Variants in PTH observed in about 807,000 individuals in gnomAD.
PTH encodes parathormone.
In PTH, 7 loss-of-function variants were observed where a neutral mutation model predicts 7.4. That is an observed-to-expected ratio of 0.94 (90% confidence interval 0.53 to 1.77). The LOEUF (loss-of-function observed/expected upper bound fraction) is 1.77, where lower values mean the gene tolerates loss of function less well. Among genes scored for constraint, PTH ranks in the 40% most tolerant of loss-of-function variants. The pLI is 0.00. For missense variants in PTH, 128 were observed against 137.1 expected (o/e 0.93, Z 0.33); for synonymous variants, 51 against 46.6 (o/e 1.09, Z -0.39).
At chr11:13,496,147 T>A (rs1264230909), upstream of PTH, 3 of 152,120 alleles carry the variant, frequency 2.0e-5, no homozygotes, top group African/African-American at 7.2e-5. Flanking sequence ...CGGTGCACAC[T>A]CTTCTTAAGT....
At chr11:13,493,404 A>G (rs1000666957) in intron 1 of PTH, among the ~76,000 whole-genome samples, 53 of 152,220 alleles carry the variant, frequency 3.5e-4, no homozygotes, top group Admixed American at 9.2e-4. Context: ...CAAAATAAAC[A>G]CTGTATTAAA....
In PTH at chr11:13,492,666, C is replaced by T. The variant is rs1214802214; in HGVS notation, c.87G>A (p.Lys29=). 1.2e-6 allele frequency: 2 copies of T among 1,614,078 alleles called. No individual in the cohort carries two copies. Among genetic ancestry groups the T allele is most frequent in the South Asian group, 1.1e-5 (1 of 91,084 alleles). ...FLTKSDGKSV[K]KRSVSEIQLM... Reference sequence around the variant, plus strand: ...GCTGTATTTCACTCACAGATCTCTTCCTGGGAAGAAGAGAAACAGAGAGGG... The same window carrying T: ...GCTGTATTTCACTCACAGATCTCTTTCTGGGAAGAAGAGAAACAGAGAGGG... Residue 29 remains lysine, a splice_region_variant and synonymous_variant, in exon 3 of 3, where the codon AAG becomes AAA. Transcript: ENST00000282091.
intron 1 of PTH, among the ~76,000 whole-genome samples, chr11:13,494,455 C>G (rs140442486): frequency 2.0e-5 from 3 of 152,302 alleles, no homozygotes; most frequent in Non-Finnish European, 4.4e-5. Context: ...TGTAGTGTCA[C>G]AGGCTGTGCA....
At chr11:13,494,947 T>C (rs1263648350) in intron 1 of PTH, among the ~76,000 whole-genome samples, 1 of 152,244 alleles carries the variant, frequency 6.6e-6, no homozygotes, top group Non-Finnish European at 1.5e-5. Context: ...TTTTCTTAAG[T>C]AACCTTCATT....
rs773625324 is a variant in PTH, at chr11:13,492,624, T to C, written c.129A>G (p.Gly43=). Residue 43 remains glycine, a synonymous_variant, in exon 3 of 3, where the codon GGA becomes GGG. Transcript: ENST00000282091. ...VSEIQLMHNL[G]KHLNSMERVE... The stretch of plus-strand genomic sequence containing the variant: ...CTCTCTCCATCGAGTTCAGATGTTT[T>C]CCCAGGTTATGCATAAGCTGTATTT... 3.7e-6 allele frequency: 6 copies of C among 1,614,036 alleles called. No homozygotes were observed. The highest frequency in any genetic ancestry group is 1.1e-5 in the South Asian group (1 of 91,090).
In PTH at chr11:13,492,596, C is replaced by G. The variant is rs775025715; in HGVS notation, c.157G>C (p.Glu53Gln). Residue 53 changes from glutamate (E) to glutamine (Q), a missense_variant, in exon 3 of 3, where the codon GAA becomes CAA. Glu to Gln is a conservative substitution (Grantham distance 29). Transcript: ENST00000282091. The part of the protein sequence containing the change: ...GKHLNSMERV[E>Q]WLRKKLQDVH... Reference sequence around the variant, plus strand: ...TCCTGCAGCTTCTTACGCAGCCATTCTACTCTCTCCATCGAGTTCAGATGT... The same window carrying G: ...TCCTGCAGCTTCTTACGCAGCCATTGTACTCTCTCCATCGAGTTCAGATGT... The G allele has an allele frequency of 1.9e-6, 3 of 1,614,166 alleles. No individual in the cohort carries two copies. The highest frequency in any genetic ancestry group is 2.5e-6 in the Non-Finnish European group (3 of 1,180,022).
intron 1 of PTH, among the ~76,000 whole-genome samples, chr11:13,495,113 T>A (rs553072107): frequency 6.6e-6 from 1 of 152,200 alleles, no homozygotes; most frequent in South Asian, 2.1e-4. Context: ...TCGAGCTTTA[T>A]CTCTGAATGG....
intron 1 of PTH, among the ~76,000 whole-genome samples, chr11:13,493,973 A>G (rs1847508663): frequency 1.3e-5 from 2 of 152,254 alleles, no homozygotes; most frequent in Admixed American, 6.5e-5. Flanking sequence ...TCATTTATCA[A>G]TTGTCACTGA....
intron 1 of PTH, among the ~76,000 whole-genome samples, chr11:13,493,193 C>T (rs925051402): frequency 3.3e-5 from 5 of 151,804 alleles, no homozygotes; most frequent in African/African-American, 1.2e-4. Flanking sequence ...ATTTCACAAA[C>T]AGTATAAAGA....
At chr11:13,493,339 T>C (rs1052202394) in intron 1 of PTH, among the ~76,000 whole-genome samples, 5 of 152,174 alleles carry the variant, frequency 3.3e-5, no homozygotes, top group Admixed American at 3.3e-4. Context: ...CAATGTATAA[T>C]GTCAATAACA....
chr11:13,493,369 C>G (rs1321810533), intron 1 of PTH, among the ~76,000 whole-genome samples: 6 of 152,022 alleles, frequency 3.9e-5, no homozygotes, highest in Non-Finnish European at 8.8e-5. Context: ...TTTAAAATTG[C>G]TTAAAACATT....
Position 13,492,214 on chromosome 11 carries a change from C to T in PTH, c.*191G>A. The T allele has an allele frequency of 1.7e-6, 1 of 603,264 alleles. No homozygotes were observed. The highest frequency in any genetic ancestry group is 2.6e-5 in the South Asian group (1 of 39,214). 37.4% of individuals were successfully genotyped at this position (603,264 alleles called of 1,614,324 possible). ...ACAATAGAAAAGATAATTAAAATAA[C>T]TCAAATGAATAAAAGTGGAATCAGA... On this transcript the variant is annotated 3_prime_UTR_variant, in exon 3 of 3. Transcript: ENST00000282091.
rs1847478953 is a variant in PTH, at chr11:13,492,088, A to T, written c.*317T>A. The T allele has an allele frequency of 3.3e-6, 1 of 305,076 alleles. No individual in the cohort carries two copies. The allele number at this position is 305,076 out of a possible 1,614,324, so 18.9% of individuals were successfully genotyped here. On this transcript the variant is annotated 3_prime_UTR_variant, in exon 3 of 3. Coordinates refer to ENST00000282091, the MANE Select transcript of PTH (RefSeq NM_000315.4). ...AATACTTCATTTATTTAGACTTATG[A>T]TCATTACATTTTTGTTTTACATTTT...
In PTH at chr11:13,492,637, A is replaced by G. The variant is rs769151895; in HGVS notation, c.116T>C (p.Met39Thr). Residue 39 changes from methionine to threonine, a missense_variant, in exon 3 of 3, where the codon ATG (methionine) becomes ACG (threonine). Physicochemically the swap from Met to Thr is moderately conservative, Grantham distance 81. Coordinates refer to ENST00000282091, the MANE Select transcript of PTH (RefSeq NM_000315.4). ...GTTCAGATGTTTTCCCAGGTTATGC[A>G]TAAGCTGTATTTCACTCACAGATCT... is the stretch of plus-strand genomic sequence containing the variant. Reference protein sequence around the residue: ...KKRSVSEIQLMHNLGKHLNSM... With the variant: ...KKRSVSEIQLTHNLGKHLNSM... 1.9e-6 allele frequency: 3 copies of G among 1,614,156 alleles called. No individual in the cohort carries two copies. The highest frequency in any genetic ancestry group is 1.7e-5 in the Admixed American group (1 of 59,996).
chr11:13,492,603 C>T lies in PTH; in HGVS notation c.150G>A (p.Glu50=), dbSNP rs1269833882. 1 of 1,614,180 alleles carries T rather than the reference C, an allele frequency of 6.2e-7. No individual in the cohort carries two copies. Among genetic ancestry groups the T allele is most frequent in the Admixed American group, 1.7e-5 (1 of 60,014 alleles). ...GCTTCTTACGCAGCCATTCTACTCT[C>T]TCCATCGAGTTCAGATGTTTTCCCA... ...HNLGKHLNSM[E]RVEWLRKKLQ... Residue 50 remains glutamate, a synonymous_variant, in exon 3 of 3, where the codon GAG becomes GAA. Coordinates refer to ENST00000282091, the MANE Select transcript of PTH (RefSeq NM_000315.4).
rs1847488757 is a variant in PTH at position 13,492,584 on chromosome 11, T to C, written c.169A>G (p.Lys57Glu). ...NSMERVEWLR[K>E]KLQDVHNFVA... ...AAATTGTGCACATCCTGCAGCTTCT[T>C]ACGCAGCCATTCTACTCTCTCCATC... Residue 57 changes from lysine (K) to glutamate (E), a missense_variant, in exon 3 of 3, where the codon AAG (lysine) becomes GAG (glutamate). Transcript: ENST00000282091. The C allele has an allele frequency of 1.2e-6, 2 of 1,614,186 alleles. No homozygotes were observed. Among genetic ancestry groups the C allele is most frequent in the East Asian group, 2.2e-5 (1 of 44,886 alleles).
At chr11:13,496,101 A>G (rs895901564), upstream of PTH, 11 of 152,082 alleles carry the variant, frequency 7.2e-5, no homozygotes, top group Admixed American at 2.0e-4. Flanking sequence ...GATCTCAACT[A>G]TAGGTTCAAA....
intron 1 of PTH, among the ~76,000 whole-genome samples, chr11:13,493,705 A>G (rs1591195110): frequency 1.3e-5 from 2 of 152,252 alleles, no homozygotes; most frequent in East Asian, 3.8e-4. Flanking sequence ...TAGTCCACAC[A>G]GTACTTCAAC....
upstream of PTH, chr11:13,496,139 G>A (rs569830779): frequency 6.6e-6 from 1 of 152,142 alleles, no homozygotes; most frequent in East Asian, 1.9e-4. Flanking sequence ...CCATTGGGCG[G>A]TGCACACTCT....
Sources: gnomAD v4.1 joint callset for allele counts (sites outside exome capture counted in the v4.1 genomes callset) on GRCh38, gnomAD v4.1.1 for gene constraint, MANE v1.5 for transcripts, NCBI Gene and HGNC (gene_info 2026-07-23, HGNC 2026-07-21) for gene names.